Variants in OR4C11 observed in about 807,000 individuals in gnomAD.
OR4C11 encodes olfactory receptor family 4 subfamily C member 11, also known as olfactory receptor 4C11.
OR4C11 carries 15 observed loss-of-function variants against 14.7 expected under a neutral mutation model. The ratio of observed to expected loss-of-function variants is 1.02; its 90% CI spans 0.68 to 1.58. OR4C11 has a LOEUF of 1.58. OR4C11 is among the 40% of genes most tolerant of loss of function. OR4C11 has a pLI of 0.00. For synonymous variants in OR4C11, 146 were observed against 135.0 expected (o/e 1.08, Z -0.57); for missense variants, 473 against 383.0 (o/e 1.24, Z -1.96).
In OR4C11 at chr11:55,604,242, A is replaced by T. The variant is rs1857931047; in HGVS notation, c.132T>A (p.Ile44=). The change falls in exon 4 of 4, where the codon ATT becomes ATA. Residue 44 remains isoleucine (I), a synonymous_variant. Coordinates refer to ENST00000641580, the MANE Select transcript of OR4C11 (RefSeq NM_001004700.3). The part of the protein sequence containing the change: ...MGTVVGNMLI[I]VTIKSSRTLG... ...GTGTCCGGCTGGACTTGATGGTCAC[A>T]ATAATGAGCATATTCCCCACCACAG... 1.3e-5 allele frequency: 19 copies of T among 1,466,020 alleles called. 2 individuals are homozygous for T. The highest frequency in any genetic ancestry group is 1.7e-5 in the Non-Finnish European group (18 of 1,073,606). 90.8% of individuals were successfully genotyped at this position (1,466,020 alleles called of 1,614,324 possible).
rs141353919 is a variant in OR4C11 at position 55,603,791 on chromosome 11, G to T, written c.583C>A (p.Leu195Met). The change falls in exon 4 of 4, where the codon CTG becomes ATG. Residue 195 changes from leucine (L) to methionine (M), a missense_variant. By Grantham distance (15) the Leu-to-Met change is conservative. Coordinates refer to ENST00000641580, the MANE Select transcript of OR4C11 (RefSeq NM_001004700.3). The part of the protein sequence containing the change: ...LACMDTYMIN[L>M]LLVSNSGAIC... Reference sequence around the variant, plus strand: ...GCCCCACTGTTAGACACCAACAGCAGGTTGATCATGTAAGTGTCCATGCAG... The same window carrying T: ...GCCCCACTGTTAGACACCAACAGCATGTTGATCATGTAAGTGTCCATGCAG... 20 of 1,486,490 alleles carry T rather than the reference G, an allele frequency of 1.3e-5. 4 individuals carry two copies. In the East Asian group the frequency reaches 4.6e-4, roughly 35 times the overall value. 92.1% of individuals were successfully genotyped at this position (1,486,490 alleles called of 1,614,324 possible).
Position 55,607,037 on chromosome 11 carries a change from C to T in OR4C11, c.-365+250G>A, listed in dbSNP as rs1259289591. Among the ~76,000 whole-genome samples the T allele has an allele frequency of 5.1e-5, 7 of 137,998 alleles. 1 individual carries two copies. The highest frequency in any genetic ancestry group is 1.6e-4 in the Admixed American group (2 of 12,696). The allele number at this position is 137,998 out of a possible 152,430, so 90.5% of individuals were successfully genotyped here. On this transcript the variant is annotated intron_variant, in intron 1 of 3. Coordinates refer to ENST00000641580, the MANE Select transcript of OR4C11 (RefSeq NM_001004700.3). The stretch of plus-strand genomic sequence containing the variant: ...GAATTAAGAGAAATTCTTATAGATC[C>T]AAATCATTAATGTTTTATACTATTT...
In OR4C11 at chr11:55,603,911, TAG is replaced by T; in HGVS notation, c.461_462del (p.Ser154TyrfsTer19). 2 of 1,483,378 alleles carry T rather than the reference TAG, an allele frequency of 1.3e-6. No homozygotes were observed. Among genetic ancestry groups the T allele is most frequent in the Middle Eastern group, 3.8e-4 (2 of 5,270 alleles). 91.9% of individuals were successfully genotyped at this position (1,483,378 alleles called of 1,614,324 possible). ...VLAWIGSLIHSTAQIILALRL... is the reference protein window; with the variant it reads ...VLAWIGSLIHXTAQIILALRL... Reference sequence around the variant, plus strand: ...CTTAAGGCCAGGATAATCTGAGCTGTAGAGTGTATTAAAGACCCTATCCAGGC... The same window carrying T: ...CTTAAGGCCAGGATAATCTGAGCTGTAGTGTATTAAAGACCCTATCCAGGC... On this transcript the variant is annotated frameshift_variant, in exon 4 of 4. Coordinates refer to ENST00000641580, the MANE Select transcript of OR4C11 (RefSeq NM_001004700.3). LOFTEE classifies it high-confidence loss of function.
rs1857894816 is a variant in OR4C11, at chr11:55,602,430, G to A, written c.*1011C>T. 1.4e-5 allele frequency: 2 copies of A among 138,148 alleles called. 1 individual carries two copies. The highest frequency in any genetic ancestry group is 4.7e-4 in the South Asian group (2 of 4,242). 8.6% of individuals were successfully genotyped at this position (138,148 alleles called of 1,614,324 possible). ...GATGAATATTAAAAGTCCATAATAT[G>A]AATATCTAAAGTGCCGCTTTTTATC... On this transcript the variant is annotated 3_prime_UTR_variant, in exon 4 of 4. Coordinates refer to ENST00000641580, the MANE Select transcript of OR4C11 (RefSeq NM_001004700.3).
At position 55,603,269 on chromosome 11, in the gene OR4C11, G is replaced by A; in HGVS notation, c.*172C>T. 1 of 465,410 alleles carries A rather than the reference G, an allele frequency of 2.1e-6. No individual in the cohort carries two copies. The highest frequency in any genetic ancestry group is 3.8e-6 in the Non-Finnish European group (1 of 266,470). 28.8% of individuals were successfully genotyped at this position (465,410 alleles called of 1,614,324 possible). On this transcript the variant is annotated 3_prime_UTR_variant, in exon 4 of 4. Transcript: ENST00000641580. ...TATTCTACCTAGTTCTGGCACAAAA[G>A]ACAATGTCTTGGTAGTCACAACTCC...
chr11:55,603,697 T>C lies in OR4C11; in HGVS notation c.677A>G (p.His226Arg), dbSNP rs755079766. Residue 226 changes from histidine (H) to arginine (R), a missense_variant, in exon 4 of 4, where the codon CAC becomes CGC. His to Arg is a conservative substitution (Grantham distance 29). Coordinates refer to ENST00000641580, the MANE Select transcript of OR4C11 (RefSeq NM_001004700.3). ...YIVILHSLRN[H>R]SAKGKKKALS... ...AGCCTTTTTCTTCCCTTTGGCACTG[T>C]GGTTTCTCAGTGAATGCAAGATGAC... 7 of 1,484,848 alleles carry C rather than the reference T, an allele frequency of 4.7e-6. No homozygotes were observed. In the South Asian group the frequency reaches 5.9e-5, roughly 13 times the overall value. 92.0% of individuals were successfully genotyped at this position (1,484,848 alleles called of 1,614,324 possible).
chr11:55,603,306 A>G lies in OR4C11; in HGVS notation c.*135T>C. 1 of 508,994 alleles carries G rather than the reference A, an allele frequency of 2.0e-6. No homozygotes were observed. The highest frequency in any genetic ancestry group is 2.9e-5 in the South Asian group (1 of 34,626). The allele number at this position is 508,994 out of a possible 1,614,324, so 31.5% of individuals were successfully genotyped here. A position where few individuals can be genotyped will look rare whatever the true frequency, so the allele number is the denominator to read the frequency against. Reference sequence around the variant, plus strand: ...GTAGTCACAACTCCTGTTAACTAGAAAACATAGGAACCCACAAACTTAGAT... The same window carrying G: ...GTAGTCACAACTCCTGTTAACTAGAGAACATAGGAACCCACAAACTTAGAT... On this transcript the variant is annotated 3_prime_UTR_variant, in exon 4 of 4. Transcript: ENST00000641580.
Position 55,602,761 on chromosome 11 carries a change from G to A in OR4C11, c.*680C>T, listed in dbSNP as rs1336602379. 1.4e-5 allele frequency: 2 copies of A among 138,648 alleles called. 1 individual carries two copies. Among genetic ancestry groups the A allele is most frequent in the Non-Finnish European group, 3.2e-5 (2 of 62,262 alleles). The allele number at this position is 138,648 out of a possible 1,614,324, so 8.6% of individuals were successfully genotyped here. A position where few individuals can be genotyped will look rare whatever the true frequency, so the allele number is the denominator to read the frequency against. ...AATATGTTGTATCTCCAGTATATTA[G>A]CCTCTGACTCAAAAATACAGAACTT... On this transcript the variant is annotated 3_prime_UTR_variant, in exon 4 of 4. Transcript: ENST00000641580.
rs1355611752 is a variant in OR4C11 at position 55,607,470 on chromosome 11, C to T, written c.-548G>A. 7.2e-6 allele frequency: 1 copy of T among 138,558 alleles called. No homozygotes were observed. Among genetic ancestry groups the T allele is most frequent in the Non-Finnish European group, 1.6e-5 (1 of 62,272 alleles). The allele number at this position is 138,558 out of a possible 1,614,324, so 8.6% of individuals were successfully genotyped here. A position where few individuals can be genotyped will look rare whatever the true frequency, so the allele number is the denominator to read the frequency against. On this transcript the variant is annotated 5_prime_UTR_variant, in exon 1 of 4. Coordinates refer to ENST00000641580, the MANE Select transcript of OR4C11 (RefSeq NM_001004700.3). ...CACCTTCTCTGAATGTTAGATACGA[C>T]TAAGTTATTCTCCTATACAGACCTT...
rs1330294198 is a variant in OR4C11, at chr11:55,602,531, A to G, written c.*910T>C. 3 of 138,320 alleles carry G rather than the reference A, an allele frequency of 2.2e-5. 1 individual carries two copies. Among genetic ancestry groups the G allele is most frequent in the Non-Finnish European group, 4.8e-5 (3 of 62,170 alleles). The allele number at this position is 138,320 out of a possible 1,614,324, so 8.6% of individuals were successfully genotyped here. A position where few individuals can be genotyped will look rare whatever the true frequency, so the allele number is the denominator to read the frequency against. ...ATTCTATGCAGCCCCAATTATTAGGACAGAATAAATAGAGATGTAACTTCC... is the reference window on the plus strand; with the variant it reads ...ATTCTATGCAGCCCCAATTATTAGGGCAGAATAAATAGAGATGTAACTTCC... On this transcript the variant is annotated 3_prime_UTR_variant, in exon 4 of 4. Coordinates refer to ENST00000641580, the MANE Select transcript of OR4C11 (RefSeq NM_001004700.3).
At position 55,603,514 on chromosome 11, in the gene OR4C11, A is replaced by G. The variant is rs778789893; in HGVS notation, c.860T>C (p.Leu287Pro). Reference sequence around the variant, plus strand: ...GGCATTTTTCACTTCTGCATTCCTCAGTGTGTAGATGAGTGGATTGAGAAA... The same window carrying G: ...GGCATTTTTCACTTCTGCATTCCTCGGTGTGTAGATGAGTGGATTGAGAAA... Reference protein sequence around the residue: ...TPFLNPLIYTLRNAEVKNAMR... With the variant: ...TPFLNPLIYTPRNAEVKNAMR... Residue 287 changes from leucine (L) to proline (P), a missense_variant, in exon 4 of 4, where the codon CTG becomes CCG. By Grantham distance (98) the Leu-to-Pro change is moderately conservative. Transcript: ENST00000641580. 3 of 1,476,784 alleles carry G rather than the reference A, an allele frequency of 2.0e-6. 1 individual carries two copies. Among genetic ancestry groups the G allele is most frequent in the Non-Finnish European group, 2.8e-6 (3 of 1,087,668 alleles). The allele number at this position is 1,476,784 out of a possible 1,614,324, so 91.5% of individuals were successfully genotyped here.
intron 1 of OR4C11, among the ~76,000 whole-genome samples, 198 bp from the exon 2 acceptor site, chr11:55,606,877 T>C (rs911596707): frequency 4.3e-5 from 6 of 138,658 alleles, no homozygotes; most frequent in African/African-American, 1.5e-4. Context: ...TAGATACAAA[T>C]AGACATCATT....
Position 55,603,903 on chromosome 11 carries a change from C to A in OR4C11, c.471G>T (p.Gln157His), listed in dbSNP as rs150583796. The A allele has an allele frequency of 1.0e-5, 15 of 1,485,458 alleles. 3 individuals carry two copies. The African/African-American group carries it at 1.7e-4, about 16-fold the overall frequency. The allele number at this position is 1,485,458 out of a possible 1,614,324, so 92.0% of individuals were successfully genotyped here. Residue 157 changes from glutamine (Q) to histidine (H), a missense_variant, in exon 4 of 4, where the codon CAG becomes CAT. Coordinates refer to ENST00000641580, the MANE Select transcript of OR4C11 (RefSeq NM_001004700.3). ...AAGGCAATCTTAAGGCCAGGATAATCTGAGCTGTAGAGTGTATTAAAGACC... is the reference window on the plus strand; with the variant it reads ...AAGGCAATCTTAAGGCCAGGATAATATGAGCTGTAGAGTGTATTAAAGACC... ...WIGSLIHSTA[Q>H]IILALRLPFC... is the part of the protein sequence containing the mutation.
Position 55,603,590 on chromosome 11 carries a change from T to C in OR4C11, c.784A>G (p.Thr262Ala), listed in dbSNP as rs747233533. Residue 262 changes from threonine (T) to alanine (A), a missense_variant, in exon 4 of 4, where the codon ACT becomes GCT. Physicochemically the swap from Thr to Ala is moderately conservative, Grantham distance 58. Transcript: ENST00000641580. Reference protein sequence around the residue: ...CIFIYTRPPTTFPMDKMVAVF... With the variant: ...CIFIYTRPPTAFPMDKMVAVF... ...GCCACCATCTTGTCCATGGGGAAAG[T>C]GGTCGGGGGGCGTGTATATATGAAT... 7 of 1,482,978 alleles carry C rather than the reference T, an allele frequency of 4.7e-6. 1 individual carries two copies. Among genetic ancestry groups the C allele is most frequent in the South Asian group, 1.2e-5 (1 of 84,676 alleles). The allele number at this position is 1,482,978 out of a possible 1,614,324, so 91.9% of individuals were successfully genotyped here. A position where few individuals can be genotyped will look rare whatever the true frequency, so the allele number is the denominator to read the frequency against.
In OR4C11 at chr11:55,603,354, G is replaced by A. The variant is rs547330037; in HGVS notation, c.*87C>T. On this transcript the variant is annotated 3_prime_UTR_variant, in exon 4 of 4. Transcript: ENST00000641580. ...GATACGATGATATATTATTCCCACA[G>A]CATTCAGGTACTTTCCTATTTGCTG... The A allele has an allele frequency of 7.7e-5, 50 of 651,934 alleles. 8 individuals are homozygous for A. The highest frequency in any genetic ancestry group is 5.1e-4 in the South Asian group (23 of 45,112). 40.4% of individuals were successfully genotyped at this position (651,934 alleles called of 1,614,324 possible).
intron 1 of OR4C11, among the ~76,000 whole-genome samples, chr11:55,606,981 T>C (rs1024256388): frequency 1.4e-5 from 2 of 138,062 alleles, no homozygotes; most frequent in African/African-American, 5.0e-5. Context: ...TATAAAAAAG[T>C]AGGTTTTTGA....
Position 55,606,661 on chromosome 11 carries a change from A to C in OR4C11, c.-346T>G, listed in dbSNP as rs1857966452. 1 of 138,426 alleles carries C rather than the reference A, an allele frequency of 7.2e-6. No individual in the cohort carries two copies. Among genetic ancestry groups the C allele is most frequent in the African/African-American group, 2.5e-5 (1 of 39,886 alleles). 8.6% of individuals were successfully genotyped at this position (138,426 alleles called of 1,614,324 possible). On this transcript the variant is annotated 5_prime_UTR_variant, in exon 2 of 4. Coordinates refer to ENST00000641580, the MANE Select transcript of OR4C11 (RefSeq NM_001004700.3). ...ATTTGAGTAAGTCAGATATAGCAGT[A>C]GTGTTGAAACTCAGGGCTCTGTAAA...
Position 55,606,223 on chromosome 11 carries a change from C to A in OR4C11, c.-207+299G>T, listed in dbSNP as rs756751899. 2.3e-3 allele frequency among the ~76,000 whole-genome samples: 321 copies of A among 137,494 alleles called. 61 individuals are homozygous for A. The highest frequency in any genetic ancestry group is 3.1e-3 in the Non-Finnish European group (190 of 61,788). 90.2% of individuals were successfully genotyped at this position (137,494 alleles called of 152,430 possible). Reference sequence around the variant, plus strand: ...ATGCACACGCACGCACACACACACACACACAAAATTGTCCCTGACATATGG... The same window carrying A: ...ATGCACACGCACGCACACACACACAAACACAAAATTGTCCCTGACATATGG... On this transcript the variant is annotated intron_variant, in intron 2 of 3. Transcript: ENST00000641580.
chr11:55,603,650 T>C lies in OR4C11; in HGVS notation c.724A>G (p.Ile242Val). ...CCAAAGAATAAGATGACTACAATTA[T>C]GTGAGACGTGCAAGCGGAGAGAGCC... Reference protein sequence around the residue: ...KKALSACTSHIIVVILFFGPC... With the variant: ...KKALSACTSHVIVVILFFGPC... The change falls in exon 4 of 4, where the codon ATA (isoleucine) becomes GTA (valine). Residue 242 changes from isoleucine (I) to valine (V), a missense_variant. Physicochemically the swap from Ile to Val is conservative, Grantham distance 29. Coordinates refer to ENST00000641580, the MANE Select transcript of OR4C11 (RefSeq NM_001004700.3). 1 of 1,483,372 alleles carries C rather than the reference T, an allele frequency of 6.7e-7. No homozygotes were observed. Among genetic ancestry groups the C allele is most frequent in the Non-Finnish European group, 9.2e-7 (1 of 1,089,152 alleles). The allele number at this position is 1,483,372 out of a possible 1,614,324, so 91.9% of individuals were successfully genotyped here.
Sources: gnomAD v4.1 joint callset for allele counts (sites outside exome capture counted in the v4.1 genomes callset) on GRCh38, gnomAD v4.1.1 for gene constraint, MANE v1.5 for transcripts, NCBI Gene and HGNC (gene_info 2026-07-23, HGNC 2026-07-21) for gene names.